MMP26: variants seen among roughly 807,000 people sequenced by gnomAD.
MMP26 encodes the protein matrix metalloproteinase-26.
Under a neutral mutation model 31.0 loss-of-function variants are expected in MMP26, and 33 were observed. The ratio of observed to expected loss-of-function variants is 1.06; its 90% CI spans 0.81 to 1.42. MMP26 has a LOEUF of 1.42. Among genes scored for constraint, MMP26 ranks in the 40% most tolerant of loss-of-function variants. The probability of loss-of-function intolerance (pLI) is 0.00; values close to 1 mark genes in which losing one functional copy is unlikely to be tolerated. For missense variants in MMP26, 347 were observed against 316.1 expected, an observed-to-expected ratio of 1.10 and a Z score of -0.74; for synonymous variants, 122 against 114.9, an observed-to-expected ratio of 1.06 and a Z score of -0.40.
At chr11:4,730,404 A>AAGAGAGAGAGAGAG (rs59289871) in intron 1 of MMP26, among the ~76,000 whole-genome samples, 3,423 of 144,962 alleles carry the variant, frequency 0.024, 81 homozygotes, top group African/African-American at 0.057. Flanking sequence ...GTTTCTGGGA[A>AAGAGAGAGAGAGAG]AGAGAGAGAG....
At chr11:4,959,535 C>A (rs955747371) in intron 2 of MMP26, among the ~76,000 whole-genome samples, 2 of 152,100 alleles carry the variant, frequency 1.3e-5, no homozygotes, top group Non-Finnish European at 2.9e-5. Context: ...GTCATCACTC[C>A]CCCTACTTAA....
chr11:4,756,492 T>A (rs1047732806), intron 1 of MMP26, among the ~76,000 whole-genome samples: 7 of 152,006 alleles, frequency 4.6e-5, no homozygotes, highest in Admixed American at 6.6e-5. Flanking sequence ...GTTTTTTTTT[T>A]AAATTACAAG....
At chr11:4,734,190 T>G (rs1848208135) in intron 1 of MMP26, among the ~76,000 whole-genome samples, 1 of 152,182 alleles carries the variant, frequency 6.6e-6, no homozygotes. Flanking sequence ...TGAGTTGGAA[T>G]GTATTTACTC....
At chr11:4,874,660 T>C (rs1341817832) in intron 2 of MMP26, among the ~76,000 whole-genome samples, 1 of 151,868 alleles carries the variant, frequency 6.6e-6, no homozygotes, top group Non-Finnish European at 1.5e-5. Context: ...AGAGCCACTA[T>C]AGCACTACTT....
chr11:4,898,384 A>C (rs73405034), intron 2 of MMP26, among the ~76,000 whole-genome samples: 4,963 of 151,650 alleles, frequency 0.033, 273 homozygotes, highest in African/African-American at 0.11. Flanking sequence ...TAATGTGTCT[A>C]TGTGTTAATT....
At chr11:4,721,749 C>A (rs1848015929) in intron 1 of MMP26, among the ~76,000 whole-genome samples, 1 of 152,128 alleles carries the variant, frequency 6.6e-6, no homozygotes, top group Admixed American at 6.5e-5. Context: ...AGGGTGTTGA[C>A]CAAAATGGAC....
At chr11:4,832,238 A>T in intron 2 of MMP26, 1 of 190,536 alleles carries the variant, frequency 5.2e-6, no homozygotes, top group South Asian at 1.3e-4. Flanking sequence ...CATCTGCCTT[A>T]TGTACCTCAT....
At chr11:4,936,501 G>T (rs1298225768) in intron 2 of MMP26, among the ~76,000 whole-genome samples, 1 of 151,990 alleles carries the variant, frequency 6.6e-6, no homozygotes, top group Non-Finnish European at 1.5e-5. Context: ...AGTCTATTTA[G>T]GCTGGAAATG....
intron 2 of MMP26, among the ~76,000 whole-genome samples, chr11:4,906,301 A>G (rs1362296629): frequency 6.6e-6 from 1 of 152,240 alleles, no homozygotes; most frequent in East Asian, 1.9e-4. Context: ...TTTGTGGTTT[A>G]TGAACCTAGA....
intron 1 of MMP26, chr11:4,724,046 T>A: frequency 1.5e-6 from 1 of 663,024 alleles, no homozygotes; most frequent in Non-Finnish European, 2.7e-6. Context: ...AAGCTGCTGG[T>A]ACCACTGGGG....
intron 2 of MMP26, chr11:4,945,564 G>A (rs957321091): frequency 1.3e-5 from 2 of 154,818 alleles, no homozygotes; most frequent in African/African-American, 4.8e-5. Context: ...TTATAAGGCA[G>A]GGAACTTAGC....
rs559508158 is a variant in MMP26, at chr11:4,718,303, G to A, written c.-217+13258G>A. On this transcript the variant is annotated intron_variant, in intron 1 of 7. Coordinates refer to ENST00000380390, the MANE Select transcript of MMP26 (RefSeq NM_021801.5). ...GAACACACTTCAACAAATATTTGCT[G>A]ACTACCTACCACTTGAAGTCACTTA... Among the ~76,000 whole-genome samples, 39 of 152,272 alleles carry A rather than the reference G, an allele frequency of 2.6e-4. No homozygotes were observed. In the South Asian group the frequency reaches 7.5e-3, roughly 29 times the overall value.
chr11:4,761,069 C>T (rs1460516366), intron 1 of MMP26, among the ~76,000 whole-genome samples: 1 of 152,110 alleles, frequency 6.6e-6, no homozygotes, highest in African/African-American at 2.4e-5. Flanking sequence ...GTTAGAAGCT[C>T]AAAGGGCTTA....
intron 2 of MMP26, among the ~76,000 whole-genome samples, chr11:4,885,412 C>T (rs1850534046): frequency 6.6e-6 from 1 of 152,084 alleles, no homozygotes; most frequent in Admixed American, 6.6e-5. Flanking sequence ...AGTATTTTTG[C>T]TGTGCCTTGT....
chr11:4,741,818 A>G (rs893537960), intron 1 of MMP26, among the ~76,000 whole-genome samples: 3 of 152,216 alleles, frequency 2.0e-5, no homozygotes, highest in Non-Finnish European at 2.9e-5. Flanking sequence ...AAAAACAACA[A>G]GAAAAAGAAA....
chr11:4,900,481 G>A (rs1480288562), intron 2 of MMP26, among the ~76,000 whole-genome samples: 1 of 152,134 alleles, frequency 6.6e-6, no homozygotes, highest in African/African-American at 2.4e-5. Context: ...AGTTTTATCA[G>A]CCTTGTTGAG....
At chr11:4,812,409 G>A (rs988400903) in intron 2 of MMP26, among the ~76,000 whole-genome samples, 1 of 152,156 alleles carries the variant, frequency 6.6e-6, no homozygotes, top group Non-Finnish European at 1.5e-5. Flanking sequence ...CCAAGGTTGA[G>A]GTGACATGCC....
intron 2 of MMP26, among the ~76,000 whole-genome samples, chr11:4,960,221 A>G (rs1846502124): frequency 6.6e-6 from 1 of 152,220 alleles, no homozygotes; most frequent in Admixed American, 6.5e-5. Flanking sequence ...GAAAATAAAT[A>G]TCTTAAAAGC....
intron 1 of MMP26, among the ~76,000 whole-genome samples, chr11:4,748,399 G>A (rs1209434283): frequency 2.0e-5 from 3 of 151,778 alleles, no homozygotes; most frequent in East Asian, 3.9e-4. Context: ...AACTAAAACT[G>A]TTCCAAAAAA....
Sources: gnomAD v4.1 joint callset for allele counts (sites outside exome capture counted in the v4.1 genomes callset) on GRCh38, gnomAD v4.1.1 for gene constraint, MANE v1.5 for transcripts, NCBI Gene and HGNC (gene_info 2026-07-23, HGNC 2026-07-21) for gene names.